Variants in DNAH14 observed in about 807,000 individuals in gnomAD.
DNAH14 encodes axonemal beta dynein heavy chain 14.
In DNAH14, 478 loss-of-function variants were observed where a neutral mutation model predicts 520.9. That is an observed-to-expected ratio of 0.92 (90% confidence interval 0.85 to 0.99). DNAH14 has a LOEUF of 0.99. Ranked by LOEUF, DNAH14 falls within the 50% of genes least tolerant of loss-of-function variation. The pLI is 0.00. For missense variants in DNAH14, 4,831 were observed against 5,234.5 expected (o/e 0.92, Z 2.38); for synonymous variants, 1,581 against 1,757.2 (o/e 0.90, Z 2.51).
In DNAH14 at chr1:225,068,589, T is replaced by C. The variant is rs150184550; in HGVS notation, c.2425-10618T>C. On this transcript the variant is annotated intron_variant, in intron 17 of 85. Transcript: ENST00000682510. ...TCTTCCTATCCATGAGCATGGAATGTTTCTCCATTTGTTTGTATCCTCTCT... is the reference window on the plus strand; with the variant it reads ...TCTTCCTATCCATGAGCATGGAATGCTTCTCCATTTGTTTGTATCCTCTCT... 7.2e-3 allele frequency among the ~76,000 whole-genome samples: 1,094 copies of C among 152,332 alleles called. 9 individuals are homozygous for C. The highest frequency in any genetic ancestry group is 0.011 in the Non-Finnish European group (759 of 68,026).
chr1:224,981,873 A>C (rs1469483483), intron 8 of DNAH14, among the ~76,000 whole-genome samples: 1 of 152,154 alleles, frequency 6.6e-6, no homozygotes, highest in Non-Finnish European at 1.5e-5. Context: ...ATTAAAGGGA[A>C]ATATTAGGGA....
chr1:225,157,053 T>C (rs1470343893), intron 34 of DNAH14, among the ~76,000 whole-genome samples: 3 of 152,218 alleles, frequency 2.0e-5, no homozygotes, highest in African/African-American at 7.2e-5. Context: ...TATTAAATAA[T>C]ATTCAGATTC....
intron 54 of DNAH14, among the ~76,000 whole-genome samples, chr1:225,283,632 A>C (rs2093674208): frequency 6.6e-6 from 1 of 152,150 alleles, no homozygotes. Flanking sequence ...GAGAAACTAG[A>C]CATAAAATCA....
At chr1:225,229,970 A>T (rs2090942947) in intron 41 of DNAH14, among the ~76,000 whole-genome samples, 1 of 152,202 alleles carries the variant, frequency 6.6e-6, no homozygotes. Context: ...AAGGGGAAGA[A>T]CACTTAAAGG....
In DNAH14 at chr1:225,265,368, G is replaced by T. The variant is rs932845004; in HGVS notation, c.7409G>T (p.Arg2470Leu). The change falls in exon 48 of 86, where the codon CGG (arginine) becomes CTG (leucine). Residue 2470 changes from arginine (R) to leucine (L), a missense_variant and splice_region_variant. Arg to Leu is a moderately radical substitution (Grantham distance 102, BLOSUM62 -2). Coordinates refer to ENST00000682510, the MANE Select transcript of DNAH14 (RefSeq NM_001367479.1). ...ACTCTTGGAGCACCAAAAAACAACC[G>T]GGTAAAACACCTCTCATACCTGTTC... Reference protein sequence around the residue: ...KDTLGAPKNNRILIFIDDMNM... With the variant: ...KDTLGAPKNNLILIFIDDMNM... 1.3e-6 allele frequency: 2 copies of T among 1,531,708 alleles called. No homozygotes were observed. The highest frequency in any genetic ancestry group is 8.8e-7 in the Non-Finnish European group (1 of 1,141,586). The allele number at this position is 1,531,708 out of a possible 1,614,324, so 94.9% of individuals were successfully genotyped here. A position where few individuals can be genotyped will look rare whatever the true frequency, so the allele number is the denominator to read the frequency against.
chr1:225,179,475 A>G (rs1478824320), intron 36 of DNAH14, among the ~76,000 whole-genome samples: 3 of 152,198 alleles, frequency 2.0e-5, no homozygotes, highest in South Asian at 2.1e-4. Context: ...ACGAAAAGAA[A>G]CAAACTAAAC....
intron 35 of DNAH14, among the ~76,000 whole-genome samples, chr1:225,161,842 T>G (rs919620664): frequency 5.9e-5 from 9 of 152,230 alleles, no homozygotes; most frequent in African/African-American, 2.2e-4. Context: ...TTGTCCACTT[T>G]TTATTGGATT....
intron 36 of DNAH14, among the ~76,000 whole-genome samples, chr1:225,173,739 A>G (rs1003691300): frequency 2.0e-5 from 3 of 152,206 alleles, no homozygotes; most frequent in African/African-American, 4.8e-5. Context: ...ATACCATTTG[A>G]CCCAGCCATC....
At chr1:224,931,031 C>T (rs954498043) in intron 1 of DNAH14, among the ~76,000 whole-genome samples, 2 of 152,300 alleles carry the variant, frequency 1.3e-5, no homozygotes, top group East Asian at 3.9e-4. Context: ...GAGATGACAG[C>T]TCCATGTGTT....
chr1:225,342,768 TAGAG>T lies in DNAH14; in HGVS notation c.10678+2073_10678+2076del, dbSNP rs527487104. ...TTACCCTTCTATCTGCACATATGTA[TAGAG>T]AGAGATACTTTGGATGATGTTACCT... is the stretch of plus-strand genomic sequence containing the variant. On this transcript the variant is annotated intron_variant, in intron 69 of 85. Transcript: ENST00000682510. Among the ~76,000 whole-genome samples, 599 of 151,870 alleles carry T rather than the reference TAGAG, an allele frequency of 3.9e-3. 2 individuals carry two copies. The highest frequency in any genetic ancestry group is 0.017 in the Middle Eastern group (5 of 292).
intron 38 of DNAH14, among the ~76,000 whole-genome samples, chr1:225,202,603 C>T (rs550894422): frequency 7.0e-4 from 106 of 152,220 alleles, no homozygotes; most frequent in African/African-American, 2.2e-3. Context: ...GAACTTGCCC[C>T]GGCTACCCAT....
intron 42 of DNAH14, among the ~76,000 whole-genome samples, chr1:225,235,138 T>C (rs977748030): frequency 6.6e-6 from 1 of 152,194 alleles, no homozygotes; most frequent in Non-Finnish European, 1.5e-5. Flanking sequence ...TCAAGAAGAA[T>C]CCCTCCAGCT....
At chr1:225,165,291 A>G (rs563732293) in intron 35 of DNAH14, among the ~76,000 whole-genome samples, 7 of 152,056 alleles carry the variant, frequency 4.6e-5, no homozygotes, top group Admixed American at 4.6e-4. Context: ...TAAAATTTTC[A>G]CTTTGCCTTT....
chr1:225,256,522 C>A (rs1405424264), intron 44 of DNAH14, among the ~76,000 whole-genome samples: 2 of 151,844 alleles, frequency 1.3e-5, no homozygotes, highest in Non-Finnish European at 2.9e-5. Context: ...GAGAAATATG[C>A]AAAAATCAAT....
intron 55 of DNAH14, among the ~76,000 whole-genome samples, chr1:225,294,882 G>T (rs11576433): frequency 0.13 from 20,085 of 151,222 alleles, 1,520 homozygotes; most frequent in East Asian, 0.33. Context: ...TGGATTTTTT[G>T]TTGTTGTTGT....
chr1:225,091,342 G>A (rs985933183), intron 21 of DNAH14, among the ~76,000 whole-genome samples: 1 of 151,958 alleles, frequency 6.6e-6, no homozygotes, highest in Non-Finnish European at 1.5e-5. Context: ...GAGAGAAGGG[G>A]CAGCTCTACA....
chr1:225,283,801 A>C (rs560700204), intron 54 of DNAH14, among the ~76,000 whole-genome samples: 1 of 152,188 alleles, frequency 6.6e-6, no homozygotes, highest in African/African-American at 2.4e-5. Flanking sequence ...AAGCCTCAGT[A>C]AATTTCAAAG....
At position 224,960,268 on chromosome 1, in the gene DNAH14, T is replaced by G. The variant is rs778651963; in HGVS notation, c.333T>G (p.Val111=). ...ATCAAACTCATGCTTGTCCAAATGT[T>G]AGGAAAGCCAGGCCTGTGTCCTATG... ...KKDQTHACPN[V]RKARPVSYDR... is the part of the protein sequence containing the mutation. Residue 111 remains valine (V), a synonymous_variant, in exon 4 of 86, where the codon GTT becomes GTG. Coordinates refer to ENST00000682510, the MANE Select transcript of DNAH14 (RefSeq NM_001367479.1). 3.7e-6 allele frequency: 6 copies of G among 1,610,396 alleles called. No individual in the cohort carries two copies. In the South Asian group the frequency reaches 4.4e-5, roughly 12 times the overall value.
intron 8 of DNAH14, among the ~76,000 whole-genome samples, chr1:224,986,486 T>TG (rs1280148180): frequency 5.3e-5 from 8 of 152,100 alleles, no homozygotes; most frequent in Non-Finnish European, 1.0e-4. Context: ...GTTCAACATA[T>TG]CAACATTTGT....
Sources: allele counts gnomAD v4.1 joint callset (sites outside exome capture counted in the v4.1 genomes callset), GRCh38; gene constraint gnomAD v4.1.1; transcripts MANE v1.5; gene names NCBI Gene and HGNC (gene_info 2026-07-23, HGNC 2026-07-21).